The following REDIC1 variants were observed in gnomAD, a reference collection of about 807,000 sequenced individuals.
The protein encoded by REDIC1 is regulator of DNA class I crossover intermediates 1.
the REDIC1 span, among the ~76,000 whole-genome samples, chr12:39,867,289 C>T: frequency 6.6e-6 from 1 of 152,058 alleles, no homozygotes; most frequent in South Asian, 2.1e-4. Context: ...TTTCATAACA[C>T]TCATTAAATA....
chr12:39,805,105 G>T, the REDIC1 span, among the ~76,000 whole-genome samples: 2 of 125,530 alleles, frequency 1.6e-5, no homozygotes, highest in Non-Finnish European at 3.4e-5. Flanking sequence ...CATCAGTGAC[G>T]ACAATGGAGG....
the REDIC1 span, among the ~76,000 whole-genome samples, chr12:39,804,931 A>C: frequency 0.15 from 22,118 of 149,372 alleles, 1,793 homozygotes; most frequent in South Asian, 0.3. Context: ...GCAGAGAAAG[A>C]AAACACTCTG....
the REDIC1 span, among the ~76,000 whole-genome samples, chr12:39,876,375 T>C: frequency 2.0e-5 from 3 of 152,168 alleles, no homozygotes; most frequent in Non-Finnish European, 4.4e-5. Flanking sequence ...ACAAAATACA[T>C]CTACTAAGTT....
At chr12:39,687,629 C>CA in the REDIC1 span, among the ~76,000 whole-genome samples, 1 of 152,330 alleles carries the variant, frequency 6.6e-6, no homozygotes, top group East Asian at 1.9e-4. Flanking sequence ...GCCCCATCTC[C>CA]AACACTGGGG....
At chr12:39,721,105 G>C in the REDIC1 span, 2 of 1,613,740 alleles carry the variant, frequency 1.2e-6, no homozygotes, top group Non-Finnish European at 1.7e-6. Context: ...ATCTGTAATG[G>C]AGGAAAAATT....
At chr12:39,626,467 A>G in the REDIC1 span, 3 of 1,418,928 alleles carry the variant, frequency 2.1e-6, no homozygotes, top group Non-Finnish European at 2.9e-6. Flanking sequence ...CTTGGTAGGA[A>G]AGGGTCTTTT....
At chr12:39,711,737 ATG>A in the REDIC1 span, among the ~76,000 whole-genome samples, 77 of 100,916 alleles carry the variant, frequency 7.6e-4, 2 homozygotes, top group African/African-American at 1.5e-3. Context: ...GCATGTGTGT[ATG>A]TGTGTATACA....
At chr12:39,637,382 A>G in the REDIC1 span, among the ~76,000 whole-genome samples, 1 of 152,112 alleles carries the variant, frequency 6.6e-6, no homozygotes, top group African/African-American at 2.4e-5. Context: ...CGTAGTAATT[A>G]CTGTTTAAAA....
the REDIC1 span, among the ~76,000 whole-genome samples, chr12:39,704,754 G>A: frequency 6.6e-6 from 1 of 152,204 alleles, no homozygotes; most frequent in Non-Finnish European, 1.5e-5. Context: ...AAAAAAGGAT[G>A]AGTTCATGGC....
chr12:39,902,203 G>C, the REDIC1 span, among the ~76,000 whole-genome samples: 5 of 125,876 alleles, frequency 4.0e-5, no homozygotes, highest in African/African-American at 8.8e-5. Flanking sequence ...GGGGTGGGGT[G>C]GGGGGAGGGA....
the REDIC1 span, among the ~76,000 whole-genome samples, chr12:39,696,515 C>A: frequency 9.0e-6 from 1 of 111,700 alleles, no homozygotes; most frequent in Non-Finnish European, 1.7e-5. Context: ...TGCACTCCAG[C>A]CTGGGCGACA....
chr12:39,907,943 G>A, the REDIC1 span: 4 of 151,200 alleles, frequency 2.6e-5, no homozygotes, highest in African/African-American at 4.9e-5. Flanking sequence ...TTACAACTAC[G>A]CCTCCAAAAG....
chr12:39,677,622 A>G, the REDIC1 span, among the ~76,000 whole-genome samples: 1 of 152,196 alleles, frequency 6.6e-6, no homozygotes, highest in Non-Finnish European at 1.5e-5. Flanking sequence ...ATTGTACCCC[A>G]AAACTGCAGA....
the REDIC1 span, among the ~76,000 whole-genome samples, chr12:39,771,448 T>A: frequency 1.3e-5 from 2 of 152,088 alleles, no homozygotes; most frequent in African/African-American, 4.8e-5. Flanking sequence ...GCAGCCTCTG[T>A]CCAACAGCAA....
chr12:39,862,340 AT>A, the REDIC1 span, among the ~76,000 whole-genome samples: 1 of 152,162 alleles, frequency 6.6e-6, no homozygotes, highest in Admixed American at 6.5e-5. Context: ...TTCTTTAACC[AT>A]TTACTTTCTT....
At chr12:39,766,971 A>T in the REDIC1 span, among the ~76,000 whole-genome samples, 1 of 152,080 alleles carries the variant, frequency 6.6e-6, no homozygotes, top group South Asian at 2.1e-4. Flanking sequence ...ACTTCTTGCA[A>T]ACTTCCAAAC....
the REDIC1 span, among the ~76,000 whole-genome samples, chr12:39,744,318 T>C: frequency 1.3e-5 from 2 of 152,280 alleles, no homozygotes; most frequent in South Asian, 4.1e-4. Flanking sequence ...CTTGCAAAAA[T>C]TGTTAAGTTC....
chr12:39,653,680 T>C, the REDIC1 span, among the ~76,000 whole-genome samples: 2 of 152,020 alleles, frequency 1.3e-5, no homozygotes, highest in Non-Finnish European at 2.9e-5. Flanking sequence ...TTGCTTAACT[T>C]TGCTAACTAG....
chr12:39,754,860 A>G, the REDIC1 span, among the ~76,000 whole-genome samples: 1 of 152,082 alleles, frequency 6.6e-6, no homozygotes, highest in Non-Finnish European at 1.5e-5. Flanking sequence ...TATTTTTAAA[A>G]GATGATTTAT....
Sources: gnomAD v4.1 joint callset for allele counts (sites outside exome capture counted in the v4.1 genomes callset) on GRCh38, gnomAD v4.1.1 for gene constraint, MANE v1.5 for transcripts, NCBI Gene and HGNC (gene_info 2026-07-23, HGNC 2026-07-21) for gene names.